The following PDE8B variants were observed in gnomAD, a reference collection of about 807,000 sequenced individuals.
PDE8B encodes high affinity cAMP-specific and IBMX-insensitive 3',5'-cyclic phosphodiesterase 8B.
PDE8B carries 26 observed loss-of-function variants against 101.3 expected under a neutral mutation model. The observed-to-expected ratio is 0.26, with a 90% confidence interval of 0.19 to 0.36. PDE8B has a LOEUF of 0.36. Among genes scored for constraint, PDE8B ranks in the 10% least tolerant of loss-of-function variants. PDE8B has a pLI of 1.00. For missense variants in PDE8B, 810 were observed against 1,163.1 expected (o/e 0.70, Z 4.42); for synonymous variants, 424 against 429.3 (o/e 0.99, Z 0.15).
intron 1 of PDE8B, among the ~76,000 whole-genome samples, chr5:77,222,306 C>T (rs971300066): frequency 1.3e-5 from 2 of 152,080 alleles, no homozygotes; most frequent in African/African-American, 4.8e-5. Context: ...TAAGGCGCTA[C>T]TCTAGGTTTG....
intron 10 of PDE8B, among the ~76,000 whole-genome samples, chr5:77,383,851 G>A (rs566062031): frequency 1.0e-3 from 154 of 152,180 alleles, no homozygotes; most frequent in African/African-American, 3.4e-3. Flanking sequence ...TATCTGTTTT[G>A]GTACCAGTAT....
chr5:77,159,499 G>C, the PDE8B span, among the ~76,000 whole-genome samples: 2 of 152,148 alleles, frequency 1.3e-5, no homozygotes, highest in Admixed American at 6.5e-5. Flanking sequence ...TTGGGACTCG[G>C]ACTGGCTCTC....
At chr5:77,369,238 A>G (rs948306821) in intron 10 of PDE8B, among the ~76,000 whole-genome samples, 1 of 151,316 alleles carries the variant, frequency 6.6e-6, no homozygotes, top group African/African-American at 2.4e-5. Flanking sequence ...AGAGATAGAC[A>G]TAAGAGATGT....
At chr5:77,180,327 C>T in the PDE8B span, 3 of 483,226 alleles carry the variant, frequency 6.2e-6, no homozygotes, top group South Asian at 1.7e-4. Context: ...GCAACCAGAG[C>T]CTTCACGTGG....
At chr5:77,194,287 T>A in the PDE8B span, among the ~76,000 whole-genome samples, 1 of 152,218 alleles carries the variant, frequency 6.6e-6, no homozygotes, top group Non-Finnish European at 1.5e-5. Context: ...AAAAAAAGTT[T>A]CCTTTCTTGA....
chr5:77,366,593 C>T (rs1202870518), intron 10 of PDE8B, among the ~76,000 whole-genome samples: 1 of 152,078 alleles, frequency 6.6e-6, no homozygotes, highest in East Asian at 1.9e-4. Context: ...AGAACCTTGG[C>T]GCCTATGCTT....
chr5:77,308,177 C>T (rs1379595811), intron 1 of PDE8B, among the ~76,000 whole-genome samples: 1 of 152,166 alleles, frequency 6.6e-6, no homozygotes, highest in Admixed American at 6.5e-5. Flanking sequence ...TCAGAGTCAG[C>T]AAGAACAAGT....
intron 1 of PDE8B, among the ~76,000 whole-genome samples, chr5:77,233,652 CTCTGTGTGTGTG>C (rs1266374211): frequency 8.7e-5 from 11 of 127,040 alleles, no homozygotes; most frequent in East Asian, 7.2e-4. Context: ...CCCCCTGAAG[CTCTGTGTGTGTG>C]TGTGTGTGTG....
chr5:77,216,193 T>G (rs1749669272), intron 1 of PDE8B, among the ~76,000 whole-genome samples: 1 of 152,142 alleles, frequency 6.6e-6, no homozygotes, highest in African/African-American at 2.4e-5. Flanking sequence ...CAAATGATGC[T>G]GAAGCACCCT....
At chr5:77,170,181 G>T in the PDE8B span, among the ~76,000 whole-genome samples, 1 of 152,194 alleles carries the variant, frequency 6.6e-6, no homozygotes, top group African/African-American at 2.4e-5. Flanking sequence ...AAATGTCTCA[G>T]GTTTTTAAAC....
chr5:77,310,755 G>T (rs1772414108), intron 1 of PDE8B, among the ~76,000 whole-genome samples: 1 of 152,120 alleles, frequency 6.6e-6, no homozygotes, highest in African/African-American at 2.4e-5. Context: ...TTTTCTGCTG[G>T]CTGGTTTGGT....
At chr5:77,310,418 G>T (rs2150111715) in intron 1 of PDE8B, among the ~76,000 whole-genome samples, 1 of 152,366 alleles carries the variant, frequency 6.6e-6, no homozygotes, top group Non-Finnish European at 1.5e-5. Flanking sequence ...TTGCTCTTGG[G>T]GCTGTGCCCC....
intron 1 of PDE8B, among the ~76,000 whole-genome samples, chr5:77,305,756 T>C (rs1220284378): frequency 2.0e-5 from 3 of 152,192 alleles, no homozygotes. Context: ...ATTGAGATCA[T>C]TAAATGCTAT....
intron 1 of PDE8B, among the ~76,000 whole-genome samples, chr5:77,257,935 T>C (rs1407511679): frequency 2.0e-5 from 3 of 151,902 alleles, no homozygotes; most frequent in African/African-American, 7.3e-5. Flanking sequence ...TGGGGAAAAA[T>C]ATTCAGGGCA....
chr5:77,281,185 C>G (rs1165836563), intron 1 of PDE8B, among the ~76,000 whole-genome samples: 3 of 152,166 alleles, frequency 2.0e-5, no homozygotes, highest in Non-Finnish European at 2.9e-5. Flanking sequence ...ATTCTGTTTG[C>G]CTGGTGCTGG....
chr5:77,230,026 T>C (rs1467695030), intron 1 of PDE8B, among the ~76,000 whole-genome samples: 1 of 152,202 alleles, frequency 6.6e-6, no homozygotes, highest in East Asian at 1.9e-4. Context: ...TTCTCCGAAG[T>C]GGCCGTACCA....
the PDE8B span, among the ~76,000 whole-genome samples, chr5:77,148,771 C>T: frequency 6.6e-6 from 1 of 152,166 alleles, no homozygotes; most frequent in Non-Finnish European, 1.5e-5. Context: ...TTATTCTGTG[C>T]AAAAGTCCTT....
chr5:77,157,562 A>G, the PDE8B span, among the ~76,000 whole-genome samples: 2 of 152,244 alleles, frequency 1.3e-5, no homozygotes, highest in East Asian at 1.9e-4. Context: ...GGCGAACTAT[A>G]TATGCACATA....
At chr5:77,158,419 T>C in the PDE8B span, among the ~76,000 whole-genome samples, 1 of 152,244 alleles carries the variant, frequency 6.6e-6, no homozygotes, top group Non-Finnish European at 1.5e-5. Context: ...AAGTAGGTAG[T>C]ATTTAACCTG....
Sources: gnomAD v4.1 joint callset for allele counts (sites outside exome capture counted in the v4.1 genomes callset) on GRCh38, gnomAD v4.1.1 for gene constraint, MANE v1.5 for transcripts, NCBI Gene and HGNC (gene_info 2026-07-23, HGNC 2026-07-21) for gene names.